RALGAPA2: variants seen among roughly 807,000 people sequenced by gnomAD.
RALGAPA2 encodes the protein Ral GTPase activating protein catalytic subunit alpha 2, also known as ral GTPase-activating protein subunit alpha-2.
RALGAPA2 carries 139 observed loss-of-function variants against 230.4 expected under a neutral mutation model. The observed-to-expected ratio is 0.60, with a 90% CI of 0.53 to 0.69. The LOEUF (loss-of-function observed/expected upper bound fraction) is 0.69, where lower values mean the gene tolerates loss of function less well. Among genes scored for constraint, RALGAPA2 ranks in the 30% least tolerant of loss-of-function variants. RALGAPA2 has a pLI of 0.00. For synonymous variants in RALGAPA2, 847 were observed against 837.8 expected, an observed-to-expected ratio of 1.01 and a Z score of -0.19; for missense variants, 2,163 against 2,276.0, an observed-to-expected ratio of 0.95 and a Z score of 1.01.
intron 36 of RALGAPA2, among the ~76,000 whole-genome samples, chr20:20,484,853 T>C (rs2061868066): frequency 6.6e-6 from 1 of 152,296 alleles, no homozygotes; most frequent in African/African-American, 2.4e-5. Flanking sequence ...GTACAGTATG[T>C]AATTCTCACA....
At chr20:20,465,538 G>A (rs2061402991) in intron 37 of RALGAPA2, among the ~76,000 whole-genome samples, 1 of 152,162 alleles carries the variant, frequency 6.6e-6, no homozygotes, top group Admixed American at 6.5e-5. Flanking sequence ...GAGAAAGAAG[G>A]AAGAATGAGG....
intron 33 of RALGAPA2, among the ~76,000 whole-genome samples, chr20:20,506,581 G>A (rs1278429767): frequency 6.6e-6 from 1 of 151,974 alleles, no homozygotes; most frequent in African/African-American, 2.4e-5. Flanking sequence ...CTTCCAGAGC[G>A]GTTCCAACTT....
At chr20:20,520,268 T>C (rs895972224) in intron 31 of RALGAPA2, among the ~76,000 whole-genome samples, 2 of 152,158 alleles carry the variant, frequency 1.3e-5, no homozygotes, top group African/African-American at 2.4e-5. Flanking sequence ...TTTGGTTCTA[T>C]GCAATTTTAT....
intron 1 of RALGAPA2, among the ~76,000 whole-genome samples, chr20:20,699,841 C>T (rs906338992): frequency 7.2e-5 from 11 of 152,138 alleles, no homozygotes; most frequent in African/African-American, 1.2e-4. Context: ...AAAGGGAACA[C>T]TTATACACTG....
chr20:20,579,484 TAAC>T (rs2064919522), intron 20 of RALGAPA2, among the ~76,000 whole-genome samples: 1 of 152,164 alleles, frequency 6.6e-6, no homozygotes, highest in Non-Finnish European at 1.5e-5. Context: ...ATCACTGAGC[TAAC>T]AAGAACATGG....
At chr20:20,445,377 T>C (rs573313465) in intron 37 of RALGAPA2, among the ~76,000 whole-genome samples, 2 of 152,164 alleles carry the variant, frequency 1.3e-5, no homozygotes, top group Non-Finnish European at 2.9e-5. Flanking sequence ...ATGGAGTAAA[T>C]ATATTGGTCA....
At chr20:20,397,099 A>C (rs2059734343) in intron 38 of RALGAPA2, among the ~76,000 whole-genome samples, 1 of 152,250 alleles carries the variant, frequency 6.6e-6, no homozygotes, top group Admixed American at 6.5e-5. Flanking sequence ...TTTGTTTAAA[A>C]TACAAAGATA....
chr20:20,439,257 G>A (rs1313867025), intron 37 of RALGAPA2, among the ~76,000 whole-genome samples: 2 of 151,112 alleles, frequency 1.3e-5, no homozygotes, highest in African/African-American at 2.4e-5. Flanking sequence ...TTTTCACCCA[G>A]GCTGGGGTGC....
chr20:20,463,740 C>T (rs2061354239), intron 37 of RALGAPA2, among the ~76,000 whole-genome samples: 2 of 152,244 alleles, frequency 1.3e-5, no homozygotes, highest in South Asian at 2.1e-4. Flanking sequence ...CATCTGAATG[C>T]TAAAGAAATA....
In RALGAPA2 at chr20:20,571,644, T is replaced by G. The variant is rs538425279; in HGVS notation, c.3001-31A>C. The G allele has an allele frequency of 6.3e-6, 10 of 1,597,098 alleles. No individual in the cohort carries two copies. The East Asian group carries it at 2.3e-4, about 36-fold the overall frequency. On this transcript the variant is annotated intron_variant, in intron 22 of 39. Transcript: ENST00000202677. ...AAGGAGATGATGTTTCCAGATTAAA[T>G]CAAGCCCAGGTGCAGAGTATTTCAA...
intron 19 of RALGAPA2, among the ~76,000 whole-genome samples, chr20:20,583,561 TG>T (rs1310260145): frequency 6.6e-6 from 1 of 152,138 alleles, no homozygotes; most frequent in Non-Finnish European, 1.5e-5. Flanking sequence ...AAAATGAGGA[TG>T]GGTGGAGGAA....
chr20:20,661,472 T>C (rs2067774097), intron 3 of RALGAPA2, among the ~76,000 whole-genome samples: 1 of 152,228 alleles, frequency 6.6e-6, no homozygotes, highest in African/African-American at 2.4e-5. Flanking sequence ...AATACTGCTT[T>C]GTTCTTGATA....
At chr20:20,528,064 G>T (rs1376529891) in intron 27 of RALGAPA2, among the ~76,000 whole-genome samples, 2 of 152,142 alleles carry the variant, frequency 1.3e-5, no homozygotes, top group Non-Finnish European at 1.5e-5. Context: ...AGCTGTGCCT[G>T]GAGAATGCAG....
chr20:20,468,976 T>G (rs2123360621), intron 37 of RALGAPA2, among the ~76,000 whole-genome samples: 1 of 152,084 alleles, frequency 6.6e-6, no homozygotes, highest in South Asian at 2.1e-4. Flanking sequence ...TGTGTGTGTG[T>G]GTGTGTGTGT....
chr20:20,452,582 A>ACAG (rs1402541803), intron 37 of RALGAPA2, among the ~76,000 whole-genome samples: 18 of 152,344 alleles, frequency 1.2e-4, no homozygotes, highest in African/African-American at 4.1e-4. Flanking sequence ...AGCAGCAGGA[A>ACAG]CAGCTGGTAA....
At position 20,503,425 on chromosome 20, in the gene RALGAPA2, T is replaced by C. The variant is rs1263930170; in HGVS notation, c.5134A>G (p.Thr1712Ala). ...TGGAAAATCACTTCCACAGTTGAGGTAGCATAGTAAGGGGCCGTCTGCCCG... is the reference window on the plus strand; with the variant it reads ...TGGAAAATCACTTCCACAGTTGAGGCAGCATAGTAAGGGGCCGTCTGCCCG... The part of the protein sequence containing the change: ...STGQTAPYYA[T>A]STVEVIFHVS... The change falls in exon 35 of 40, where the codon ACC becomes GCC. Residue 1712 changes from threonine to alanine, a missense_variant. Physicochemically the swap from Thr to Ala is moderately conservative, Grantham distance 58. Transcript: ENST00000202677. 3 of 1,609,454 alleles carry C rather than the reference T, an allele frequency of 1.9e-6. No individual in the cohort carries two copies. The highest frequency in any genetic ancestry group is 1.1e-5 in the South Asian group (1 of 90,708).
intron 1 of RALGAPA2, among the ~76,000 whole-genome samples, chr20:20,697,316 T>C (rs1387451080): frequency 1.3e-5 from 2 of 151,990 alleles, no homozygotes; most frequent in South Asian, 4.2e-4. Context: ...GGTGACAGAG[T>C]GAGACCTCCA....
At chr20:20,552,718 G>A (rs892686028) in intron 23 of RALGAPA2, among the ~76,000 whole-genome samples, 1 of 152,152 alleles carries the variant, frequency 6.6e-6, no homozygotes, top group African/African-American at 2.4e-5. Flanking sequence ...TTAAGTATTA[G>A]TTATTGCCCA....
At chr20:20,639,581 A>C (rs754277068) in intron 7 of RALGAPA2, among the ~76,000 whole-genome samples, 4 of 152,162 alleles carry the variant, frequency 2.6e-5, no homozygotes, top group Non-Finnish European at 5.9e-5. Flanking sequence ...GTTTAAACAC[A>C]CTCACAAAAT....
Sources: allele counts gnomAD v4.1 joint callset (sites outside exome capture counted in the v4.1 genomes callset), GRCh38; gene constraint gnomAD v4.1.1; transcripts MANE v1.5; gene names NCBI Gene and HGNC (gene_info 2026-07-23, HGNC 2026-07-21).